The following NDUFAF2 variants were observed in gnomAD, a reference collection of about 807,000 sequenced individuals.
The protein encoded by NDUFAF2 is NADH dehydrogenase [ubiquinone] 1 alpha subcomplex assembly factor 2.
In NDUFAF2, 13 loss-of-function variants were observed where a neutral mutation model predicts 22.8. That is an observed-to-expected ratio of 0.57 (90% CI 0.37 to 0.91). The LOEUF is 0.91. Among genes scored for constraint, NDUFAF2 ranks in the 40% least tolerant of loss-of-function variants. The probability of loss-of-function intolerance (pLI) is 0.01; values close to 1 mark genes in which losing one functional copy is unlikely to be tolerated. For synonymous variants in NDUFAF2, 53 were observed against 64.2 expected, an observed-to-expected ratio of 0.83 and a Z score of 0.84; for missense variants, 162 against 195.2, an observed-to-expected ratio of 0.83 and a Z score of 1.01.
chr5:61,035,564 T>TTATACC (rs1561547218), intron 1 of NDUFAF2, among the ~76,000 whole-genome samples: 1 of 151,792 alleles, frequency 6.6e-6, no homozygotes, highest in Non-Finnish European at 1.5e-5. Flanking sequence ...ACACCATTTT[T>TTATACC]TATACCTTGT....
chr5:60,986,024 A>T (rs547150553), intron 1 of NDUFAF2, among the ~76,000 whole-genome samples: 2 of 152,146 alleles, frequency 1.3e-5, no homozygotes, highest in African/African-American at 4.8e-5. Flanking sequence ...AAGAAAAGGG[A>T]CCCCATGTAC....
intron 3 of NDUFAF2, among the ~76,000 whole-genome samples, chr5:61,122,485 G>C (rs1039493062): frequency 8.5e-5 from 13 of 152,232 alleles, no homozygotes; most frequent in African/African-American, 3.1e-4. Flanking sequence ...AAATAATTCT[G>C]AACTCTACAC....
chr5:61,117,828 T>G (rs1212446919), intron 3 of NDUFAF2, among the ~76,000 whole-genome samples: 2 of 152,170 alleles, frequency 1.3e-5, no homozygotes, highest in Admixed American at 1.3e-4. Context: ...CATTGTAGTA[T>G]GAAAGCAGTT....
intron 2 of NDUFAF2, among the ~76,000 whole-genome samples, chr5:61,081,786 A>G (rs1260415060): frequency 6.6e-6 from 1 of 152,210 alleles, no homozygotes; most frequent in Non-Finnish European, 1.5e-5. Context: ...CTTACATACC[A>G]TTGGGAATCA....
intron 1 of NDUFAF2, among the ~76,000 whole-genome samples, chr5:60,969,564 GT>G (rs200794314): frequency 4.0e-5 from 6 of 151,008 alleles, no homozygotes; most frequent in East Asian, 1.9e-4. Flanking sequence ...GGATTATCAG[GT>G]TTTTTTTTAC....
At chr5:61,129,150 G>A (rs982449406) in intron 3 of NDUFAF2, among the ~76,000 whole-genome samples, 3 of 152,152 alleles carry the variant, frequency 2.0e-5, no homozygotes, top group South Asian at 2.1e-4. Flanking sequence ...AACAACAGGC[G>A]CTGGAGAGGA....
intron 1 of NDUFAF2, among the ~76,000 whole-genome samples, chr5:61,017,795 G>C (rs1431756295): frequency 1.3e-5 from 2 of 152,022 alleles, no homozygotes; most frequent in African/African-American, 4.8e-5. Context: ...TGTTGCCCAG[G>C]CTGGAATACA....
intron 2 of NDUFAF2, among the ~76,000 whole-genome samples, chr5:61,074,258 C>T (rs1352602643): frequency 3.3e-5 from 5 of 151,984 alleles, no homozygotes; most frequent in African/African-American, 1.2e-4. Context: ...TCAAGACCAG[C>T]CTGGCTAACA....
intron 3 of NDUFAF2, 137 bp from the exon 4 acceptor site, chr5:61,152,567 C>CAAACTTATA: frequency 1.8e-6 from 1 of 562,582 alleles, no homozygotes; most frequent in Non-Finnish European, 2.8e-6. Flanking sequence ...ATATACATAT[C>CAAACTTATA]TGTATATTAT....
intron 3 of NDUFAF2, among the ~76,000 whole-genome samples, chr5:61,113,523 A>C (rs1752871466): frequency 6.6e-6 from 1 of 152,030 alleles, no homozygotes; most frequent in Non-Finnish European, 1.5e-5. Flanking sequence ...ACCCAGTGGG[A>C]GGTAATTGCA....
At chr5:60,991,334 C>G (rs909149843) in intron 1 of NDUFAF2, among the ~76,000 whole-genome samples, 1 of 152,020 alleles carries the variant, frequency 6.6e-6, no homozygotes, top group Non-Finnish European at 1.5e-5. Context: ...CAATCAATTA[C>G]ATTCTTTAAG....
At chr5:60,997,642 A>G (rs1369069272) in intron 1 of NDUFAF2, among the ~76,000 whole-genome samples, 2 of 152,218 alleles carry the variant, frequency 1.3e-5, no homozygotes, top group African/African-American at 4.8e-5. Context: ...AATTATTCAT[A>G]ACTAATAAAA....
chr5:61,016,962 A>G (rs1751519942), intron 1 of NDUFAF2, among the ~76,000 whole-genome samples: 1 of 152,168 alleles, frequency 6.6e-6, no homozygotes, highest in African/African-American at 2.4e-5. Flanking sequence ...TAGTATTCTC[A>G]GGGGATTGGT....
intron 1 of NDUFAF2, among the ~76,000 whole-genome samples, chr5:60,948,279 G>T (rs1442148283): frequency 6.6e-6 from 1 of 152,174 alleles, no homozygotes; most frequent in Non-Finnish European, 1.5e-5. Context: ...GAGTGCAGTG[G>T]CGCTATCTCG....
At chr5:61,093,208 C>T (rs1481991384) in intron 2 of NDUFAF2, among the ~76,000 whole-genome samples, 1 of 152,188 alleles carries the variant, frequency 6.6e-6, no homozygotes, top group Non-Finnish European at 1.5e-5. Flanking sequence ...TGGTACCCAC[C>T]CAGATTGAAA....
chr5:60,993,551 G>T (rs940846652), intron 1 of NDUFAF2, among the ~76,000 whole-genome samples: 1 of 152,208 alleles, frequency 6.6e-6, no homozygotes, highest in Non-Finnish European at 1.5e-5. Context: ...TGAGACCCTG[G>T]AGTGGGTAGC....
At chr5:61,019,606 A>C (rs887520884) in intron 1 of NDUFAF2, among the ~76,000 whole-genome samples, 7 of 152,084 alleles carry the variant, frequency 4.6e-5, no homozygotes, top group Non-Finnish European at 1.5e-5. Context: ...AGGCAATCTA[A>C]TGTAGCTAAA....
chr5:60,979,970 A>G (rs554868287), intron 1 of NDUFAF2, among the ~76,000 whole-genome samples: 1 of 147,624 alleles, frequency 6.8e-6, no homozygotes, highest in African/African-American at 2.7e-5. Flanking sequence ...CTGCACACAG[A>G]GACTCTGTTA....
intron 1 of NDUFAF2, among the ~76,000 whole-genome samples, chr5:60,990,838 C>T (rs182016314): frequency 1.1e-3 from 161 of 152,110 alleles, no homozygotes; most frequent in African/African-American, 2.9e-3. Context: ...AACTTTAAGA[C>T]GCTATTATTT....
Sources: allele counts gnomAD v4.1 joint callset (sites outside exome capture counted in the v4.1 genomes callset), GRCh38; gene constraint gnomAD v4.1.1; transcripts MANE v1.5; gene names NCBI Gene and HGNC (gene_info 2026-07-23, HGNC 2026-07-21).